The following NUAK1 variants were observed in gnomAD, a reference collection of about 807,000 sequenced individuals.
NUAK1 encodes the protein NUAK family kinase 1, also known as NUAK family SNF1-like kinase 1.
In NUAK1, 26 loss-of-function variants were observed where a neutral mutation model predicts 56.9. The ratio of observed to expected loss-of-function variants is 0.46; its 90% CI spans 0.33 to 0.63. The LOEUF is 0.63. Among genes scored for constraint, NUAK1 ranks in the 30% least tolerant of loss-of-function variants. The pLI is 0.02. For missense variants in NUAK1, 727 were observed against 876.1 expected, an observed-to-expected ratio of 0.83 and a Z score of 2.15; for synonymous variants, 337 against 336.0, an observed-to-expected ratio of 1.00 and a Z score of -0.03.
At chr12:106,105,565 T>C (rs1354408521) in intron 2 of NUAK1, among the ~76,000 whole-genome samples, 1 of 151,980 alleles carries the variant, frequency 6.6e-6, no homozygotes. Context: ...GAAAAAAGAA[T>C]CAAGCTAAAA....
chr12:106,102,834 AAGACCTCCTGATGTG>A (rs1410653013), intron 2 of NUAK1, among the ~76,000 whole-genome samples: 1 of 152,202 alleles, frequency 6.6e-6, no homozygotes, highest in Non-Finnish European at 1.5e-5. Flanking sequence ...GCTGAAGCTC[AAGACCTCCTGATGTG>A]AGACCTCAAG....
At chr12:106,115,286 A>G (rs12298848) in intron 1 of NUAK1, among the ~76,000 whole-genome samples, 1,912 of 152,328 alleles carry the variant, frequency 0.013, 36 homozygotes, top group African/African-American at 0.043. Flanking sequence ...ACAACAAGCT[A>G]AAAAGAGGCA....
intron 1 of NUAK1, among the ~76,000 whole-genome samples, chr12:106,129,277 C>G (rs1373127035): frequency 2.6e-5 from 4 of 152,238 alleles, no homozygotes; most frequent in Non-Finnish European, 5.9e-5. Context: ...CCAGGGCCTT[C>G]CCTGCTGACT....
rs2032302176 is a variant in NUAK1, at chr12:106,063,401, T to G, written c.*3401A>C. Reference sequence around the variant, plus strand: ...ATAAAAACAGAAACAAAAACCAAAATGAAACAAAAATCAGTTTCCAACGAA... The same window carrying G: ...ATAAAAACAGAAACAAAAACCAAAAGGAAACAAAAATCAGTTTCCAACGAA... On this transcript the variant is annotated 3_prime_UTR_variant, in exon 7 of 7. Transcript: ENST00000261402. 1 of 152,522 alleles carries G rather than the reference T, an allele frequency of 6.6e-6. No homozygotes were observed. The highest frequency in any genetic ancestry group is 6.5e-5 in the Admixed American group (1 of 15,270). The allele number at this position is 152,522 out of a possible 1,614,324, so 9.4% of individuals were successfully genotyped here.
At chr12:106,089,724 G>C (rs996557988) in intron 2 of NUAK1, among the ~76,000 whole-genome samples, 1 of 151,628 alleles carries the variant, frequency 6.6e-6, no homozygotes, top group Admixed American at 6.6e-5. Context: ...AGGAGGTGGA[G>C]GTTGCAGTGA....
chr12:106,096,295 G>C (rs1002930713), intron 2 of NUAK1, among the ~76,000 whole-genome samples: 3 of 152,100 alleles, frequency 2.0e-5, no homozygotes, highest in Non-Finnish European at 4.4e-5. Context: ...TTTTGTTTCT[G>C]ATCTCCAGCC....
intron 1 of NUAK1, among the ~76,000 whole-genome samples, chr12:106,127,800 G>T (rs939210558): frequency 6.6e-6 from 1 of 152,072 alleles, no homozygotes; most frequent in Non-Finnish European, 1.5e-5. Flanking sequence ...GGACATTTTT[G>T]TCTCAGGCCC....
intron 2 of NUAK1, among the ~76,000 whole-genome samples, chr12:106,097,138 T>C (rs2032703726): frequency 6.6e-6 from 1 of 152,202 alleles, no homozygotes; most frequent in Non-Finnish European, 1.5e-5. Flanking sequence ...TCCTACATTA[T>C]CTATAAAGCA....
intron 1 of NUAK1, among the ~76,000 whole-genome samples, chr12:106,137,137 C>T (rs534992061): frequency 7.7e-4 from 117 of 152,208 alleles, no homozygotes; most frequent in Admixed American, 1.0e-3. Flanking sequence ...GTTGGGAGGG[C>T]GTTATCCGGG....
At chr12:106,068,979 A>G (rs1428942237) in intron 6 of NUAK1, among the ~76,000 whole-genome samples, 6 of 152,246 alleles carry the variant, frequency 3.9e-5, no homozygotes, top group Non-Finnish European at 7.3e-5. Flanking sequence ...CCGCATTGGC[A>G]TCAGTTAGCT....
chr12:106,066,933 G>A lies in NUAK1; in HGVS notation c.1855C>T (p.Arg619Trp), dbSNP rs372340813. Residue 619 changes from arginine (R) to tryptophan (W), a missense_variant, in exon 7 of 7, where the codon CGG (arginine) becomes TGG (tryptophan). Transcript: ENST00000261402. ...QIQDFEGLQN[R>W]PRPQYLKRYR... ...CGCTTCAGGTACTGGGGCCGGGGCC[G>A]GTTCTGGAGCCCCTCAAAGTCCTGG... 30 of 1,613,976 alleles carry A rather than the reference G, an allele frequency of 1.9e-5. No individual in the cohort carries two copies. Among genetic ancestry groups the A allele is most frequent in the East Asian group, 4.5e-5 (2 of 44,904 alleles).
intron 2 of NUAK1, among the ~76,000 whole-genome samples, chr12:106,087,146 C>T (rs544181929): frequency 1.3e-5 from 2 of 152,280 alleles, no homozygotes; most frequent in East Asian, 1.9e-4. Flanking sequence ...TTCTGAGGAC[C>T]CCACTTTCCT....
Position 106,067,830 on chromosome 12 carries a change from G to A in NUAK1, c.958C>T (p.Leu320Phe), listed in dbSNP as rs761006444. Residue 320 changes from leucine (L) to phenylalanine (F), a missense_variant, in exon 7 of 7, where the codon CTC (leucine) becomes TTC (phenylalanine). Coordinates refer to ENST00000261402, the MANE Select transcript of NUAK1 (RefSeq NM_014840.3). This position sits in a 1 kb window ranked among gnomAD's most constrained non-coding sequence, Gnocchi z 6.0. ...AGGAGTGGGGACTCAGAGTCATGGA[G>A]GGCATCACAGTCACACACGCTGCTC... ...YKSSVCDCDA[L>F]HDSESPLLAR... The A allele has an allele frequency of 1.9e-6, 3 of 1,614,216 alleles. No homozygotes were observed. The highest frequency in any genetic ancestry group is 1.7e-5 in the Admixed American group (1 of 60,030).
intron 2 of NUAK1, among the ~76,000 whole-genome samples, chr12:106,097,073 T>C (rs749757673): frequency 2.6e-5 from 4 of 152,222 alleles, no homozygotes; most frequent in Non-Finnish European, 4.4e-5. Flanking sequence ...CAATTCCATT[T>C]CTTGAGCATG....
chr12:106,138,603 C>A lies in NUAK1; in HGVS notation c.51G>T (p.Leu17=), dbSNP rs761765534. The A allele has an allele frequency of 1.5e-5, 23 of 1,565,334 alleles. No homozygotes were observed. The highest frequency in any genetic ancestry group is 1.2e-4 in the South Asian group (10 of 86,944). Residue 17 remains leucine (L), a synonymous_variant, in exon 1 of 7, where the codon CTG becomes CTT. Transcript: ENST00000261402. The surrounding 1 kb of genome is among the most constrained non-coding windows in gnomAD (Gnocchi z 5.0). ...CCTCTCGGGGAGAGCCCGGCGCCCC[C>A]AGCCCCAAGTCGGGGCGGTCCCCCG... ...PVAGDRPDLG[L]GAPGSPREAV... is the part of the protein sequence containing the mutation.
intron 1 of NUAK1, among the ~76,000 whole-genome samples, chr12:106,128,834 G>T (rs919858384): frequency 2.0e-5 from 3 of 152,168 alleles, no homozygotes; most frequent in Non-Finnish European, 4.4e-5. Context: ...TCTAATAAAA[G>T]TAAGGGAAGT....
At chr12:106,107,486 C>A (rs1390460112) in intron 1 of NUAK1, among the ~76,000 whole-genome samples, 1 of 152,162 alleles carries the variant, frequency 6.6e-6, no homozygotes, top group Non-Finnish European at 1.5e-5. Flanking sequence ...AGAAAGCCTG[C>A]CTAGTTCCCT....
Position 106,067,977 on chromosome 12 carries a change from GA to G in NUAK1, c.833-23del. On this transcript the variant is annotated intron_variant, in intron 6 of 6. Coordinates refer to ENST00000261402, the MANE Select transcript of NUAK1 (RefSeq NM_014840.3). The surrounding 1 kb of genome is among the most constrained non-coding windows in gnomAD (Gnocchi z 6.0). ...GCATCTAAGGGACAAGGGACAAAAA[GA>G]ATCGGGCATTATGTGGGAGCTTCTG... The G allele has an allele frequency of 6.3e-7, 1 of 1,576,922 alleles. No individual in the cohort carries two copies. The highest frequency in any genetic ancestry group is 1.2e-5 in the South Asian group (1 of 84,956).
At chr12:106,115,917 A>T (rs1263544146) in intron 1 of NUAK1, among the ~76,000 whole-genome samples, 1 of 151,962 alleles carries the variant, frequency 6.6e-6, no homozygotes, top group African/African-American at 2.4e-5. Context: ...GGCACCTGCC[A>T]TTTTCTCTGC....
Sources: gnomAD v4.1 joint callset for allele counts (sites outside exome capture counted in the v4.1 genomes callset) on GRCh38, gnomAD v4.1.1 for gene constraint, Gnocchi (gnomAD v3.1) non-coding constraint, MANE v1.5 for transcripts, NCBI Gene and HGNC (gene_info 2026-07-23, HGNC 2026-07-21) for gene names.